The following SP140L variants were observed in gnomAD, a reference collection of about 807,000 sequenced individuals.
SP140L encodes the protein SP140 like nuclear body protein.
A neutral mutation model predicts 84.3 loss-of-function variants in SP140L; 64 were observed. The observed-to-expected ratio is 0.76, with a 90% CI of 0.62 to 0.94. The LOEUF is 0.94. Among genes scored for constraint, SP140L ranks in the 40% least tolerant of loss-of-function variants. The pLI is 0.00. For synonymous variants in SP140L, 242 were observed against 236.9 expected (o/e 1.02, Z -0.20); for missense variants, 628 against 692.5 (o/e 0.91, Z 1.05).
chr2:230,329,045 C>G (rs2059655581), intron 2 of SP140L, among the ~76,000 whole-genome samples: 1 of 152,036 alleles, frequency 6.6e-6, no homozygotes, highest in South Asian at 2.1e-4. Context: ...CTTTTCTTGT[C>G]CCTTACATTT....
chr2:230,341,220 T>A (rs1237202637), intron 2 of SP140L, among the ~76,000 whole-genome samples: 1 of 144,918 alleles, frequency 6.9e-6, no homozygotes, highest in Non-Finnish European at 1.5e-5. Context: ...TAAACTTCCC[T>A]TCTTGCTTCA....
chr2:230,394,402 C>A (rs1559459981), intron 13 of SP140L, among the ~76,000 whole-genome samples: 1 of 152,246 alleles, frequency 6.6e-6, no homozygotes, highest in Non-Finnish European at 1.5e-5. Context: ...TCACACATAG[C>A]TAGCCACTAA....
chr2:230,389,240 T>C (rs1404544734), intron 10 of SP140L, among the ~76,000 whole-genome samples: 1 of 152,172 alleles, frequency 6.6e-6, no homozygotes, highest in African/African-American at 2.4e-5. Context: ...TCTACACCTC[T>C]GTTTGGAAGG....
intron 6 of SP140L, 115 bp downstream of exon 6, chr2:230,371,082 A>G (rs2061052762): frequency 3.4e-6 from 3 of 872,634 alleles, no homozygotes; most frequent in Admixed American, 4.7e-5. Context: ...CATTTGCCTC[A>G]CCCAAGCCTT....
chr2:230,357,395 G>A (rs546916359), intron 2 of SP140L, among the ~76,000 whole-genome samples: 2 of 152,118 alleles, frequency 1.3e-5, no homozygotes, highest in East Asian at 1.9e-4. Flanking sequence ...AATTCTCTCA[G>A]TTGTTGATTA....
chr2:230,386,121 T>A (rs2061570610), intron 9 of SP140L, among the ~76,000 whole-genome samples: 2 of 152,220 alleles, frequency 1.3e-5, no homozygotes, highest in Non-Finnish European at 1.5e-5. Flanking sequence ...ATAGAGCTTT[T>A]CTTCTACAAC....
intron 2 of SP140L, among the ~76,000 whole-genome samples, chr2:230,347,998 T>C (rs2060259964): frequency 1.3e-5 from 2 of 152,236 alleles, no homozygotes; most frequent in Admixed American, 1.3e-4. Context: ...CTAGCCCCAC[T>C]GATTTCCTCT....
At chr2:230,386,035 G>A (rs6712674) in intron 9 of SP140L, among the ~76,000 whole-genome samples, 107,760 of 151,984 alleles carry the variant, frequency 0.71, 38,928 homozygotes, top group South Asian at 0.75. Context: ...TCTTTCTTCC[G>A]TGAGATGCTT....
intron 14 of SP140L, among the ~76,000 whole-genome samples, chr2:230,397,792 T>C (rs976584298): frequency 2.0e-5 from 3 of 152,138 alleles, no homozygotes; most frequent in Non-Finnish European, 4.4e-5. Context: ...CACACTGATT[T>C]TGATGCCCGG....
chr2:230,346,411 T>C (rs2060210264), intron 2 of SP140L, among the ~76,000 whole-genome samples: 1 of 152,208 alleles, frequency 6.6e-6, no homozygotes, highest in Non-Finnish European at 1.5e-5. Flanking sequence ...AGAACATAAA[T>C]GTCCATTTCT....
intron 9 of SP140L, among the ~76,000 whole-genome samples, chr2:230,386,789 A>G (rs572232183): frequency 2.0e-5 from 3 of 152,340 alleles, no homozygotes; most frequent in Admixed American, 6.5e-5. Flanking sequence ...CTAGTCCCAG[A>G]AAAGATGTAA....
In SP140L at chr2:230,358,159, C is replaced by T. The variant is rs777484525; in HGVS notation, c.270+192C>T. Among the ~76,000 whole-genome samples, 30 of 152,102 alleles carry T rather than the reference C, an allele frequency of 2.0e-4. 1 individual carries two copies. The highest frequency in any genetic ancestry group is 3.8e-4 in the East Asian group (2 of 5,202). On this transcript the variant is annotated intron_variant, in intron 3 of 18. Coordinates refer to ENST00000415673, the MANE Select transcript of SP140L (RefSeq NM_138402.6). Reference sequence around the variant, plus strand: ...GTGAATGGTACTGGAGAAACTGGAACGGAAACAGCTGTTCTCCATAAATGT... The same window carrying T: ...GTGAATGGTACTGGAGAAACTGGAATGGAAACAGCTGTTCTCCATAAATGT...
chr2:230,378,165 A>G (rs971467975), intron 7 of SP140L, among the ~76,000 whole-genome samples: 5 of 151,966 alleles, frequency 3.3e-5, no homozygotes, highest in African/African-American at 1.2e-4. Context: ...TTTCTGTTCC[A>G]TTTATCTGTA....
intron 11 of SP140L, among the ~76,000 whole-genome samples, 190 bp downstream of exon 11, chr2:230,390,213 G>A (rs369781395): frequency 1.3e-4 from 20 of 152,280 alleles, no homozygotes; most frequent in African/African-American, 4.3e-4. Flanking sequence ...ACGCTGACTC[G>A]CACATGGAGT....
At chr2:230,369,550 C>T (rs1017822487) in intron 5 of SP140L, among the ~76,000 whole-genome samples, 7 of 152,150 alleles carry the variant, frequency 4.6e-5, no homozygotes, top group Admixed American at 4.6e-4. Flanking sequence ...AAACATAGTT[C>T]AGGCACTACA....
At chr2:230,393,504 G>T (rs773415795) in intron 13 of SP140L, 43 bp downstream of exon 13, 2 of 1,520,870 alleles carry the variant, frequency 1.3e-6, no homozygotes, top group South Asian at 2.6e-5. Context: ...TCACACAACA[G>T]ATTTAACATG....
intron 2 of SP140L, among the ~76,000 whole-genome samples, chr2:230,341,846 C>T (rs1404372899): frequency 5.3e-5 from 8 of 151,986 alleles, no homozygotes; most frequent in Non-Finnish European, 8.8e-5. Flanking sequence ...GCAGTCTGCC[C>T]GTTCTCAGAT....
intron 2 of SP140L, among the ~76,000 whole-genome samples, chr2:230,345,291 A>G (rs1393933780): frequency 6.6e-6 from 1 of 152,042 alleles, no homozygotes; most frequent in Non-Finnish European, 1.5e-5. Context: ...CTTAATGTGT[A>G]TTTTGTCCAA....
Position 230,347,705 on chromosome 2 carries a change from G to A in SP140L, c.108-10100G>A, listed in dbSNP as rs148012799. On this transcript the variant is annotated intron_variant, in intron 2 of 18. Transcript: ENST00000415673. ...TCAAGGACGTATGTTAGGCTTTGAG[G>A]CTGGGCAGAATCTCTTTGGGGGTTC... 2.6e-3 allele frequency among the ~76,000 whole-genome samples: 403 copies of A among 152,326 alleles called. 3 individuals carry two copies. The Middle Eastern group carries it at 0.027, about 10-fold the overall frequency.
Sources: allele counts gnomAD v4.1 joint callset (sites outside exome capture counted in the v4.1 genomes callset), GRCh38; gene constraint gnomAD v4.1.1; transcripts MANE v1.5; gene names NCBI Gene and HGNC (gene_info 2026-07-23, HGNC 2026-07-21).